CTSL: variants seen among roughly 807,000 people sequenced by gnomAD.
CTSL encodes the protein procathepsin L.
In CTSL, 23 loss-of-function variants were observed where a neutral mutation model predicts 34.7. That is an observed-to-expected ratio of 0.66 (90% confidence interval 0.48 to 0.94). The LOEUF is 0.94. Ranked by LOEUF, CTSL falls within the 40% of genes least tolerant of loss-of-function variation. The pLI, the probability that CTSL is intolerant of heterozygous loss-of-function variation, is 0.00. For missense variants in CTSL, 361 were observed against 406.3 expected (o/e 0.89, Z 0.96); for synonymous variants, 129 against 136.7 (o/e 0.94, Z 0.39).
chr9:87,727,677 T>C lies in CTSL; in HGVS notation c.74T>C (p.Leu25Ser), dbSNP rs767872087. The change falls in exon 2 of 8, where the codon TTA (leucine) becomes TCA (serine). Residue 25 changes from leucine (L) to serine (S), a missense_variant. Transcript: ENST00000343150. ...ASATLTFDHS[L>S]EAQWTKWKAM... ...GCTACTCTAACATTTGATCACAGTT[T>C]AGAGGCACAGTGGACCAAGTGGAAG... is the stretch of plus-strand genomic sequence containing the variant. 1 of 1,614,134 alleles carries C rather than the reference T, an allele frequency of 6.2e-7. No homozygotes were observed. Among genetic ancestry groups the C allele is most frequent in the East Asian group, 2.2e-5 (1 of 44,872 alleles).
chr9:87,728,954 G>A, intron 5 of CTSL, 145 bp downstream of exon 5: 1 of 1,476,416 alleles, frequency 6.8e-7, no homozygotes, highest in Admixed American at 2.4e-5. Flanking sequence ...AGGAGGCTGA[G>A]CCAGGCAGAT....
chr9:87,730,872 A>G (rs1826231121), intron 7 of CTSL, 136 bp from the exon 8 acceptor site: 1 of 660,536 alleles, frequency 1.5e-6, no homozygotes, highest in East Asian at 2.8e-5. Context: ...TTTTAAGGAT[A>G]AACAGGAACA....
Position 87,728,340 on chromosome 9 carries a change from G to A in CTSL, c.340G>A (p.Ala114Thr), listed in dbSNP as rs1288337315. The part of the protein sequence containing the change: ...KVFQEPLFYE[A>T]PRSVDWREKG... Reference sequence around the variant, plus strand: ...GTTCCAGGAACCTCTGTTTTATGAGGCCCCCAGATCTGTGGATTGGAGAGA... The same window carrying A: ...GTTCCAGGAACCTCTGTTTTATGAGACCCCCAGATCTGTGGATTGGAGAGA... Residue 114 changes from alanine to threonine, a missense_variant, in exon 4 of 8, where the codon GCC becomes ACC. By Grantham distance (58) the Ala-to-Thr change is moderately conservative. Coordinates refer to ENST00000343150, the MANE Select transcript of CTSL (RefSeq NM_001912.5). 1.2e-6 allele frequency: 2 copies of A among 1,614,072 alleles called. No homozygotes were observed. Among genetic ancestry groups the A allele is most frequent in the Admixed American group, 1.7e-5 (1 of 60,006 alleles).
intron 5 of CTSL, chr9:87,729,031 C>T: frequency 7.9e-7 from 1 of 1,267,504 alleles, no homozygotes; most frequent in South Asian, 1.7e-5. Flanking sequence ...ATCAAAAATA[C>T]AACGAAAATT....
rs200642380 is a variant in CTSL at position 87,727,722 on chromosome 9, A to G, written c.119A>G (p.Tyr40Cys). The G allele has an allele frequency of 1.2e-6, 2 of 1,614,120 alleles. No homozygotes were observed. The highest frequency in any genetic ancestry group is 4.5e-5 in the East Asian group (2 of 44,880). ...TGGAAGGCGATGCACAACAGATTAT[A>G]CGGCATGGTTAGTGAAACTTCCCCA... The part of the protein sequence containing the change: ...TKWKAMHNRL[Y>C]GMNEEGWRRA... Residue 40 changes from tyrosine to cysteine, a missense_variant, in exon 2 of 8, where the codon TAC becomes TGC. Tyr to Cys is a radical substitution (Grantham distance 194). Coordinates refer to ENST00000343150, the MANE Select transcript of CTSL (RefSeq NM_001912.5).
At chr9:87,729,476 C>A in intron 5 of CTSL, 97 bp from the exon 6 acceptor site, 2 of 1,038,996 alleles carry the variant, frequency 1.9e-6, no homozygotes, top group Non-Finnish European at 2.8e-6. Context: ...CTTGGAAATA[C>A]TAAGCTGCAC....
rs1458053923 is a variant in CTSL, at chr9:87,728,749, C to T, written c.561C>T (p.Phe187=). The change falls in exon 5 of 8, where the codon TTC becomes TTT. Residue 187 remains phenylalanine (F), a synonymous_variant. Transcript: ENST00000343150. ...GCNGGLMDYA[F]QYVQDNGGLD... ...ATGGTGGCCTAATGGATTATGCTTT[C>T]CAGTATGTTCAGGATAATGGAGGCC... 1.9e-6 allele frequency: 3 copies of T among 1,614,048 alleles called. No individual in the cohort carries two copies. The highest frequency in any genetic ancestry group is 2.5e-6 in the Non-Finnish European group (3 of 1,180,040).
intron 6 of CTSL, among the ~76,000 whole-genome samples, chr9:87,730,008 G>A (rs1041172798): frequency 6.6e-6 from 1 of 151,986 alleles, no homozygotes; most frequent in Non-Finnish European, 1.5e-5. Flanking sequence ...GCAATTGTTG[G>A]ATTTTTATAA....
chr9:87,726,601 C>T (rs1230841678), intron 1 of CTSL, among the ~76,000 whole-genome samples: 2 of 152,232 alleles, frequency 1.3e-5, no homozygotes, highest in African/African-American at 2.4e-5. Context: ...AGGGCGCTGG[C>T]TTCCCGCGTG....
In CTSL at chr9:87,731,097, C is replaced by G; in HGVS notation, c.992C>G (p.Pro331Arg). The change falls in exon 8 of 8, where the codon CCC (proline) becomes CGC (arginine). Residue 331 changes from proline to arginine, a missense_variant. Coordinates refer to ENST00000343150, the MANE Select transcript of CTSL (RefSeq NM_001912.5). ...HCGIASAASY[P>R]TV ...GGAATTGCCTCAGCAGCCAGCTACC[C>G]CACTGTGTGAGCTGGTGGACGGTGA... is the stretch of plus-strand genomic sequence containing the variant. The G allele has an allele frequency of 1.2e-6, 2 of 1,613,372 alleles. No homozygotes were observed. The highest frequency in any genetic ancestry group is 8.5e-7 in the Non-Finnish European group (1 of 1,179,442).
intron 5 of CTSL, 25 bp from the exon 6 acceptor site, chr9:87,729,547 CT>C (rs574226670): frequency 1.4e-5 from 23 of 1,606,518 alleles, no homozygotes; most frequent in East Asian, 2.2e-5. Context: ...GTAATCAAGT[CT>C]TTTTTTTCCC....
chr9:87,727,902 C>T, intron 2 of CTSL, 125 bp from the exon 3 acceptor site: 1 of 1,453,196 alleles, frequency 6.9e-7, no homozygotes. Context: ...AGAACAGCAT[C>T]CCCAGAGGTG....
chr9:87,729,775 G>C, intron 6 of CTSL, 40 bp downstream of exon 6: 3 of 1,573,818 alleles, frequency 1.9e-6, no homozygotes, highest in Non-Finnish European at 2.6e-6. Context: ...TGCAGAAAAA[G>C]AGTATCATGA....
chr9:87,727,211 C>T (rs1449093820), intron 1 of CTSL, among the ~76,000 whole-genome samples: 2 of 152,264 alleles, frequency 1.3e-5, no homozygotes, highest in Non-Finnish European at 1.5e-5. Flanking sequence ...TGAGGTTTTG[C>T]CTGGGCACGA....
intron 6 of CTSL, 148 bp downstream of exon 6, chr9:87,729,883 T>C (rs1826192124): frequency 3.0e-6 from 2 of 666,924 alleles, no homozygotes; most frequent in Admixed American, 3.4e-5. Flanking sequence ...GCAATATTTA[T>C]ACCTGATGTT....
intron 4 of CTSL, 66 bp downstream of exon 4, chr9:87,728,462 G>A: frequency 6.3e-7 from 1 of 1,582,050 alleles, no homozygotes; most frequent in Non-Finnish European, 8.6e-7. Context: ...TGACATCTTT[G>A]TTTTGGTAGA....
intron 1 of CTSL, 22 bp from the exon 2 acceptor site, chr9:87,727,572 C>T (rs1826067892): frequency 6.2e-7 from 1 of 1,612,846 alleles, no homozygotes; most frequent in East Asian, 2.2e-5. Context: ...TAATCAGATC[C>T]TCATTTTTGT....
chr9:87,730,532 T>A (rs535070913), intron 7 of CTSL, 34 bp downstream of exon 7: 1 of 1,433,658 alleles, frequency 7.0e-7, no homozygotes, highest in Non-Finnish European at 9.8e-7. Flanking sequence ...CATTTGAAAT[T>A]CAAAAGAGAA....
Position 87,728,403 on chromosome 9 carries a change from C to G in CTSL, c.396+7C>G, listed in dbSNP as rs371209580. On this transcript the variant is annotated splice_region_variant and intron_variant, in intron 4 of 7. Transcript: ENST00000343150. The stretch of plus-strand genomic sequence containing the variant: ...GACTCCTGTGAAGAATCAGGTGAGA[C>G]AGTGTCAGGTTCAGACCTCCCATCT... The G allele has an allele frequency of 3.9e-5, 63 of 1,611,932 alleles. No homozygotes were observed. Among genetic ancestry groups the G allele is most frequent in the Non-Finnish European group, 4.9e-5 (58 of 1,179,444 alleles).
Sources: gnomAD v4.1 joint callset for allele counts (sites outside exome capture counted in the v4.1 genomes callset) on GRCh38, gnomAD v4.1.1 for gene constraint, MANE v1.5 for transcripts, NCBI Gene and HGNC (gene_info 2026-07-23, HGNC 2026-07-21) for gene names.